LUC7L3: variants seen among roughly 807,000 people sequenced by gnomAD.
LUC7L3 encodes the protein LUC7 like 3 pre-mRNA splicing factor.
Under a neutral mutation model 66.8 loss-of-function variants are expected in LUC7L3, and 6 were observed. The observed-to-expected ratio is 0.09, with a 90% CI of 0.05 to 0.18. The LOEUF is 0.18. Among genes scored for constraint, LUC7L3 ranks in the 10% least tolerant of loss-of-function variants. LUC7L3 has a pLI of 1.00. For synonymous variants in LUC7L3, 160 were observed against 174.7 expected (o/e 0.92, Z 0.66); for missense variants, 341 against 531.1 (o/e 0.64, Z 3.52).
chr17:50,733,602 C>T (rs1174056103), intron 1 of LUC7L3, among the ~76,000 whole-genome samples: 1 of 152,004 alleles, frequency 6.6e-6, no homozygotes, highest in Non-Finnish European at 1.5e-5. Flanking sequence ...GGGGTTTCAC[C>T]GTGTTAGCCA....
chr17:50,740,187 C>A, intron 2 of LUC7L3, 119 bp from the exon 3 acceptor site: 1 of 726,518 alleles, frequency 1.4e-6, no homozygotes, highest in Non-Finnish European at 2.3e-6. Context: ...TGTCTACAAA[C>A]TACTCAGTGA....
In LUC7L3 at chr17:50,752,785, CTGTT is replaced by C. The variant is rs1404943203; in HGVS notation, c.*2126_*2129del. 6.6e-6 allele frequency: 1 copy of C among 152,126 alleles called. No individual in the cohort carries two copies. The highest frequency in any genetic ancestry group is 2.4e-5 in the African/African-American group (1 of 41,428). 9.4% of individuals were successfully genotyped at this position (152,126 alleles called of 1,614,324 possible). A position where few individuals can be genotyped will look rare whatever the true frequency, so the allele number is the denominator to read the frequency against. On this transcript the variant is annotated 3_prime_UTR_variant, in exon 10 of 10. Transcript: ENST00000505658. The stretch of plus-strand genomic sequence containing the variant: ...GGTGTACAGTTTTATCTGATTTGTT[CTGTT>C]TAAGACTAATTTTTATAGACTTTCT...
At chr17:50,726,184 T>G (rs1235244366) in intron 1 of LUC7L3, among the ~76,000 whole-genome samples, 2 of 151,636 alleles carry the variant, frequency 1.3e-5, no homozygotes, top group African/African-American at 4.8e-5. Flanking sequence ...TTTGTTGTTG[T>G]TGTTTTTGAG....
intron 1 of LUC7L3, among the ~76,000 whole-genome samples, chr17:50,735,256 A>AAAC (rs1301018901): frequency 2.0e-5 from 3 of 151,672 alleles, no homozygotes; most frequent in African/African-American, 7.3e-5. Context: ...GAAAAAAAAA[A>AAAC]CTTTCGTGTC....
rs189214889 is a variant in LUC7L3 at position 50,724,167 on chromosome 17, A to G, written c.99+4336A>G. 2.2e-3 allele frequency: 579 copies of G among 267,290 alleles called. 7 individuals carry two copies. Among genetic ancestry groups the G allele is most frequent in the Admixed American group, 4.9e-3 (101 of 20,452 alleles). The allele number at this position is 267,290 out of a possible 1,614,324, so 16.6% of individuals were successfully genotyped here. A position where few individuals can be genotyped will look rare whatever the true frequency, so the allele number is the denominator to read the frequency against. Reference sequence around the variant, plus strand: ...GTATCCCTTCCATTATTTTGAAGCAATTCTGTTATTGTCAACCTTAAAGCG... The same window carrying G: ...GTATCCCTTCCATTATTTTGAAGCAGTTCTGTTATTGTCAACCTTAAAGCG... On this transcript the variant is annotated intron_variant, in intron 1 of 9. Transcript: ENST00000505658.
Position 50,750,844 on chromosome 17 carries a change from C to G in LUC7L3, c.*183C>G. 1.9e-6 allele frequency: 3 copies of G among 1,539,394 alleles called. No homozygotes were observed. The highest frequency in any genetic ancestry group is 2.6e-6 in the Non-Finnish European group (3 of 1,147,290). On this transcript the variant is annotated 3_prime_UTR_variant, in exon 10 of 10. Coordinates refer to ENST00000505658, the MANE Select transcript of LUC7L3 (RefSeq NM_016424.5). Reference sequence around the variant, plus strand: ...GAAAAGACAGTGTAGTCCTGCAAAACATTTTGAGGTACATTGTTTTGTCTC... The same window carrying G: ...GAAAAGACAGTGTAGTCCTGCAAAAGATTTTGAGGTACATTGTTTTGTCTC...
In LUC7L3 at chr17:50,725,320, G is replaced by GA. The variant is rs1232038484; in HGVS notation, c.99+5491dup. 2.0e-5 allele frequency among the ~76,000 whole-genome samples: 3 copies of GA among 152,040 alleles called. 1 individual carries two copies. In the South Asian group the frequency reaches 6.2e-4, roughly 31 times the overall value. ...AGCTACTCGGGAGGCTGAGGAAGGA[G>GA]AATCGCTTGAACCCGGGAGGTGGAG... On this transcript the variant is annotated intron_variant, in intron 1 of 9. Coordinates refer to ENST00000505658, the MANE Select transcript of LUC7L3 (RefSeq NM_016424.5).
At chr17:50,739,083 G>T (rs368193252) in intron 2 of LUC7L3, among the ~76,000 whole-genome samples, 10 of 152,214 alleles carry the variant, frequency 6.6e-5, no homozygotes, top group African/African-American at 2.2e-4. Context: ...TCTCCCACGG[G>T]CCTTTTCTCA....
Position 50,746,668 on chromosome 17 carries a change from G to A in LUC7L3, c.1104G>A (p.Arg368=), listed in dbSNP as rs750723501. 38 of 1,613,758 alleles carry A rather than the reference G, an allele frequency of 2.4e-5. No homozygotes were observed. In the East Asian group the frequency reaches 6.9e-4, roughly 29 times the overall value. ...RKSYKHRSKS[R]DREQDRKSKE... ...CATATAAGCACAGGAGCAAAAGTCG[G>A]GACAGAGAACAAGATAGAAAATCCA... Residue 368 remains arginine (R), a synonymous_variant, in exon 9 of 10, where the codon CGG becomes CGA. Transcript: ENST00000505658.
chr17:50,725,696 T>G (rs888671376), intron 1 of LUC7L3, among the ~76,000 whole-genome samples: 1 of 152,316 alleles, frequency 6.6e-6, no homozygotes, highest in South Asian at 2.1e-4. Flanking sequence ...TTTGGAGATT[T>G]GCAACAATTT....
Position 50,729,438 on chromosome 17 carries a change from A to G in LUC7L3, c.100-7522A>G, listed in dbSNP as rs117727955. Among the ~76,000 whole-genome samples the G allele has an allele frequency of 1.5e-3, 223 of 152,320 alleles. 5 individuals are homozygous for G. In the East Asian group the frequency reaches 0.033, roughly 22 times the overall value. ...TATTTTACAATAATTTCATTGTAAT[A>G]TACAATATATTCATTCCTTTCCAGC... On this transcript the variant is annotated intron_variant, in intron 1 of 9. Coordinates refer to ENST00000505658, the MANE Select transcript of LUC7L3 (RefSeq NM_016424.5).
In LUC7L3 at chr17:50,749,456, C is replaced by A. The variant is rs74722892; in HGVS notation, c.1139-1045C>A. 3 of 931,640 alleles carry A rather than the reference C, an allele frequency of 3.2e-6. No individual in the cohort carries two copies. In the South Asian group the frequency reaches 5.4e-5, roughly 17 times the overall value. 57.7% of individuals were successfully genotyped at this position (931,640 alleles called of 1,614,324 possible). A position where few individuals can be genotyped will look rare whatever the true frequency, so the allele number is the denominator to read the frequency against. ...TGCTTTGTGTATTATGCAAGTGTTA[C>A]GGACTAAATATGCTCTTTTACATAA... On this transcript the variant is annotated intron_variant, in intron 9 of 9. Coordinates refer to ENST00000505658, the MANE Select transcript of LUC7L3 (RefSeq NM_016424.5).
chr17:50,724,402 TC>T (rs1969018076), intron 1 of LUC7L3, among the ~76,000 whole-genome samples: 1 of 151,940 alleles, frequency 6.6e-6, no homozygotes, highest in East Asian at 1.9e-4. Flanking sequence ...ATTCCTGTAA[TC>T]CCAGCTACTC....
chr17:50,746,738 T>A (rs760482188), intron 9 of LUC7L3, 36 bp downstream of exon 9: 5 of 1,583,476 alleles, frequency 3.2e-6, no homozygotes, highest in Non-Finnish European at 3.4e-6. Flanking sequence ...ATTAAGAAAC[T>A]TTTCACACCC....
At chr17:50,724,749 A>G (rs553502339) in intron 1 of LUC7L3, among the ~76,000 whole-genome samples, 18 of 125,792 alleles carry the variant, frequency 1.4e-4, no homozygotes, top group Admixed American at 8.8e-5. Context: ...TTTATGAAAT[A>G]TTTTCTCTTT....
At chr17:50,732,968 A>G (rs977859543) in intron 1 of LUC7L3, among the ~76,000 whole-genome samples, 7 of 152,172 alleles carry the variant, frequency 4.6e-5, no homozygotes, top group Admixed American at 4.6e-4. Context: ...CCAATTTCAC[A>G]TGCTTGAGAG....
chr17:50,730,716 G>A (rs549613026), intron 1 of LUC7L3, among the ~76,000 whole-genome samples: 33 of 151,958 alleles, frequency 2.2e-4, no homozygotes, highest in African/African-American at 7.2e-4. Flanking sequence ...TGAGGTGGGC[G>A]GATCATTTGA....
rs1183815790 is a variant in LUC7L3 at position 50,746,571 on chromosome 17, A to T, written c.1007A>T (p.His336Leu). 2.5e-6 allele frequency: 4 copies of T among 1,613,958 alleles called. No homozygotes were observed. The African/African-American group carries it at 5.3e-5, about 22-fold the overall frequency. ...RSRDRRRSRS[H>L]DRSERKHRSR... ...AGAGATCGACGAAGAAGCAGAAGCCATGATCGATCAGAAAGAAAACACAGA... is the reference window on the plus strand; with the variant it reads ...AGAGATCGACGAAGAAGCAGAAGCCTTGATCGATCAGAAAGAAAACACAGA... Residue 336 changes from histidine (H) to leucine (L), a missense_variant, in exon 9 of 10, where the codon CAT (histidine) becomes CTT (leucine). Physicochemically the swap from His to Leu is moderately conservative, Grantham distance 99 (BLOSUM62 -3). Coordinates refer to ENST00000505658, the MANE Select transcript of LUC7L3 (RefSeq NM_016424.5).
At chr17:50,736,177 T>A (rs1225986673) in intron 1 of LUC7L3, among the ~76,000 whole-genome samples, 1 of 152,072 alleles carries the variant, frequency 6.6e-6, no homozygotes, top group East Asian at 1.9e-4. Context: ...AACAGTGAAG[T>A]TTTGTGTGAA....
Sources: allele counts gnomAD v4.1 joint callset (sites outside exome capture counted in the v4.1 genomes callset), GRCh38; gene constraint gnomAD v4.1.1; transcripts MANE v1.5; gene names NCBI Gene and HGNC (gene_info 2026-07-23, HGNC 2026-07-21).